Variants in PAXIP1 observed in about 807,000 individuals in gnomAD.
The protein encoded by PAXIP1 is PAX interacting protein 1, also known as PAX-interacting protein 1.
PAXIP1 carries 19 observed loss-of-function variants against 140.6 expected under a neutral mutation model. The observed-to-expected ratio is 0.14, with a 90% confidence interval of 0.09 to 0.20. PAXIP1 has a LOEUF of 0.20. Among genes scored for constraint, PAXIP1 ranks in the 10% least tolerant of loss-of-function variants. PAXIP1 has a pLI of 1.00. For synonymous variants in PAXIP1, 442 were observed against 444.6 expected (o/e 0.99, Z 0.07); for missense variants, 920 against 1,208.6 (o/e 0.76, Z 3.54).
At position 154,954,518 on chromosome 7, in the gene PAXIP1, C is replaced by T; in HGVS notation, c.2653-95G>A. The T allele has an allele frequency of 1.2e-6, 1 of 819,488 alleles. No individual in the cohort carries two copies. Among genetic ancestry groups the T allele is most frequent in the Non-Finnish European group, 1.7e-6 (1 of 591,206 alleles). 50.8% of individuals were successfully genotyped at this position (819,488 alleles called of 1,614,324 possible). ...ACACAGAGGAATATCTACCTAAAGA[C>T]AAGGTTTATGACTGTAATTCTCAGC... On this transcript the variant is annotated intron_variant, in intron 15 of 20. Transcript: ENST00000404141. This position sits in a 1 kb window ranked among gnomAD's most constrained non-coding sequence, Gnocchi z 5.1.
chr7:154,996,945 T>C (rs1326064737), intron 2 of PAXIP1, among the ~76,000 whole-genome samples: 1 of 152,128 alleles, frequency 6.6e-6, no homozygotes, highest in Non-Finnish European at 1.5e-5. Context: ...CCCTTTCACA[T>C]AACATCTGCA....
chr7:154,969,004 G>C lies in PAXIP1; in HGVS notation c.1197C>G (p.His399Gln). 2 of 1,550,932 alleles carry C rather than the reference G, an allele frequency of 1.3e-6. No homozygotes were observed. Among genetic ancestry groups the C allele is most frequent in the Non-Finnish European group, 8.7e-7 (1 of 1,146,708 alleles). ...FSQVKVTPET[H>Q]MLQQQQQAQQ... ...GGGCCTGCTGCTGCTGCTGTAGCAT[G>C]TGTGTCTCTGGAGTCACTTTCACTT... Residue 399 changes from histidine (H) to glutamine (Q), a missense_variant, in exon 7 of 21, where the codon CAC becomes CAG. Physicochemically the swap from His to Gln is conservative, Grantham distance 24 (BLOSUM62 0). This residue lies in a region of PAXIP1 where 419 missense variants were observed against 514.7 expected (regional missense o/e 0.81). Transcript: ENST00000404141.
rs747940192 is a variant in PAXIP1 at position 154,963,815 on chromosome 7, G to A, written c.1894-49C>T. 5.5e-6 allele frequency: 7 copies of A among 1,269,332 alleles called. No homozygotes were observed. In the East Asian group the frequency reaches 1.7e-4, roughly 30 times the overall value. The allele number at this position is 1,269,332 out of a possible 1,614,324, so 78.6% of individuals were successfully genotyped here. On this transcript the variant is annotated intron_variant, in intron 8 of 20. Transcript: ENST00000404141. The surrounding 1 kb of genome is among the most constrained non-coding windows in gnomAD (Gnocchi z 4.1). The stretch of plus-strand genomic sequence containing the variant: ...GCAGTCATCAATCACTCAGAATAGA[G>A]GAGAATTCCAATTTCAAATAAGGCA...
At position 154,995,567 on chromosome 7, in the gene PAXIP1, T is replaced by A. The variant is rs1810545802; in HGVS notation, c.217-1798A>T. Among the ~76,000 whole-genome samples the A allele has an allele frequency of 2.0e-5, 3 of 152,310 alleles. No homozygotes were observed. In the South Asian group the frequency reaches 6.2e-4, roughly 32 times the overall value. ...CAAAGAACAATATATAAAAATAAGC[T>A]GGCTGATCGCGATGGCTCATGCCTG... is the stretch of plus-strand genomic sequence containing the variant. On this transcript the variant is annotated intron_variant, in intron 2 of 20. Transcript: ENST00000404141.
At chr7:154,994,061 G>GGAT (rs1159026102) in intron 2 of PAXIP1, among the ~76,000 whole-genome samples, 1 of 152,046 alleles carries the variant, frequency 6.6e-6, no homozygotes, top group Admixed American at 6.5e-5. Context: ...ATTTAGGACA[G>GGAT]GGGAACTGCC....
In PAXIP1 at chr7:154,946,664, C is replaced by T. The variant is rs914295101; in HGVS notation, c.3057+15G>A. On this transcript the variant is annotated intron_variant, in intron 18 of 20. Coordinates refer to ENST00000404141, the MANE Select transcript of PAXIP1 (RefSeq NM_007349.4). The surrounding 1 kb of genome is among the most constrained non-coding windows in gnomAD (Gnocchi z 4.9). ...GGGCAATGACGGACTCGCTGGCGGA[C>T]TCCACTCTACCCACCGAGTTCTGCT... The T allele has an allele frequency of 2.5e-6, 4 of 1,613,498 alleles. No homozygotes were observed. In the Admixed American group the frequency reaches 6.7e-5, roughly 27 times the overall value.
Position 155,002,843 on chromosome 7 carries a change from C to A in PAXIP1, c.81+6G>T. On this transcript the variant is annotated splice_donor_region_variant and intron_variant, in intron 1 of 20. Coordinates refer to ENST00000404141, the MANE Select transcript of PAXIP1 (RefSeq NM_007349.4). ...GAGGAGGCCGCGGCAGGGGCGGGCG[C>A]GGTACCTGCGGGTCGATGTCGCCCA... The A allele has an allele frequency of 7.3e-7, 1 of 1,367,680 alleles. No homozygotes were observed. 84.7% of individuals were successfully genotyped at this position (1,367,680 alleles called of 1,614,324 possible). A position where few individuals can be genotyped will look rare whatever the true frequency, so the allele number is the denominator to read the frequency against.
In PAXIP1 at chr7:154,962,304, C is replaced by T. The variant is rs199868794; in HGVS notation, c.2127+17G>A. On this transcript the variant is annotated intron_variant, in intron 10 of 20. Coordinates refer to ENST00000404141, the MANE Select transcript of PAXIP1 (RefSeq NM_007349.4). ...GAAGGATGATTTAACAAATGGAACG[C>T]GAGGACTCTGTCTTACATGCTGTGA... 88 of 1,611,214 alleles carry T rather than the reference C, an allele frequency of 5.5e-5. No homozygotes were observed. Among genetic ancestry groups the T allele is most frequent in the Middle Eastern group, 1.7e-4 (1 of 6,046 alleles).
At chr7:154,993,589 T>C in intron 3 of PAXIP1, 137 bp downstream of exon 3, 8 of 686,642 alleles carry the variant, frequency 1.2e-5, no homozygotes, top group South Asian at 5.4e-5. Flanking sequence ...GGATGGAAAA[T>C]AGTAGGAATA....
At position 155,003,001 on chromosome 7, in the gene PAXIP1, G is replaced by A. The variant is rs1485732249; in HGVS notation, c.-72C>T. The A allele has an allele frequency of 5.0e-6, 3 of 596,048 alleles. No individual in the cohort carries two copies. The highest frequency in any genetic ancestry group is 6.0e-6 in the Non-Finnish European group (3 of 496,354). 36.9% of individuals were successfully genotyped at this position (596,048 alleles called of 1,614,324 possible). Reference sequence around the variant, plus strand: ...ACCCCCCGCCCCCGGCCCCCGCGGCGCCCGGCGCCCCCACTCGCCCCGCCA... The same window carrying A: ...ACCCCCCGCCCCCGGCCCCCGCGGCACCCGGCGCCCCCACTCGCCCCGCCA... On this transcript the variant is annotated 5_prime_UTR_variant, in exon 1 of 21. Transcript: ENST00000404141.
chr7:154,990,444 C>G (rs1045315146), intron 4 of PAXIP1, among the ~76,000 whole-genome samples: 5 of 152,226 alleles, frequency 3.3e-5, no homozygotes, highest in African/African-American at 1.2e-4. Context: ...GCTGTACTCC[C>G]ATTCCTGCCG....
At chr7:154,974,790 A>T (rs1809490571) in intron 6 of PAXIP1, among the ~76,000 whole-genome samples, 1 of 152,178 alleles carries the variant, frequency 6.6e-6, no homozygotes, top group African/African-American at 2.4e-5. Flanking sequence ...AGAAAAATGC[A>T]GAGTGGCCAA....
At chr7:154,994,930 G>T (rs1293777015) in intron 2 of PAXIP1, among the ~76,000 whole-genome samples, 7 of 152,026 alleles carry the variant, frequency 4.6e-5, no homozygotes, top group African/African-American at 1.4e-4. Flanking sequence ...CACATTTTTT[G>T]ATAGTCCTAG....
At chr7:154,971,022 G>C (rs1051204900) in intron 6 of PAXIP1, among the ~76,000 whole-genome samples, 5 of 152,166 alleles carry the variant, frequency 3.3e-5, no homozygotes, top group African/African-American at 1.2e-4. Context: ...CAGGTGGAAG[G>C]GAGCTCAGGA....
intron 17 of PAXIP1, chr7:154,947,523 A>G (rs1313907986): frequency 1.1e-5 from 2 of 185,494 alleles, no homozygotes; most frequent in South Asian, 1.2e-4. Flanking sequence ...CTCCAGCTGA[A>G]TATACATTTA....
chr7:154,945,019 C>T (rs1477382785), intron 20 of PAXIP1: 1 of 144,492 alleles, frequency 6.9e-6, no homozygotes, highest in East Asian at 2.0e-4. Flanking sequence ...CAGAGTTTCG[C>T]TCTTGTTGCC....
intron 16 of PAXIP1, among the ~76,000 whole-genome samples, chr7:154,952,361 C>A (rs1808310667): frequency 6.6e-6 from 1 of 152,186 alleles, no homozygotes; most frequent in African/African-American, 2.4e-5. Flanking sequence ...CCGGGAGGAA[C>A]AAGGCCATGC....
intron 11 of PAXIP1, among the ~76,000 whole-genome samples, 163 bp from the exon 12 acceptor site, chr7:154,961,240 T>C (rs978044020): frequency 2.6e-5 from 4 of 152,240 alleles, no homozygotes; most frequent in Non-Finnish European, 5.9e-5. Flanking sequence ...TAATGAAATA[T>C]ACACCTCAAG....
chr7:155,003,283 T>A (rs1211653790), upstream of PAXIP1, among the ~76,000 whole-genome samples: 1 of 151,412 alleles, frequency 6.6e-6, no homozygotes, highest in Non-Finnish European at 1.5e-5. Context: ...CCCTTGCGGT[T>A]CCGTGGCCGC....
Sources: allele counts gnomAD v4.1 joint callset (sites outside exome capture counted in the v4.1 genomes callset), GRCh38; gene constraint gnomAD v4.1.1; regional missense constraint gnomAD v4.1.1; non-coding constraint Gnocchi (gnomAD v3.1); transcripts MANE v1.5; gene names NCBI Gene and HGNC (gene_info 2026-07-23, HGNC 2026-07-21).